EVX2: variants seen among roughly 807,000 people sequenced by gnomAD.
EVX2 encodes the protein homeobox even-skipped homolog protein 2.
EVX2 carries 10 observed loss-of-function variants against 19.2 expected under a neutral mutation model. The ratio of observed to expected loss-of-function variants is 0.52; its 90% CI spans 0.32 to 0.89. EVX2 has a LOEUF of 0.89. Ranked by LOEUF, EVX2 falls within the 40% of genes least tolerant of loss-of-function variation. The pLI, the probability that EVX2 is intolerant of heterozygous loss-of-function variation, is 0.03. For synonymous variants in EVX2, 354 were observed against 328.4 expected (o/e 1.08, Z -0.84); for missense variants, 710 against 694.9 (o/e 1.02, Z -0.24).
At position 176,082,401 on chromosome 2, in the gene EVX2, C is replaced by T. The variant is rs768217775; in HGVS notation, c.476G>A (p.Gly159Asp). The change falls in exon 2 of 3, where the codon GGC becomes GAC. Residue 159 changes from glycine (G) to aspartate (D), a missense_variant. Coordinates refer to ENST00000308618, the MANE Select transcript of EVX2 (RefSeq NM_001080458.2). The surrounding 1 kb of genome is among the most constrained non-coding windows in gnomAD (Gnocchi z 5.2). Reference protein sequence around the residue: ...SAAGTTTSASGSGLGSLHGGS... With the variant: ...SAAGTTTSASDSGLGSLHGGS... Reference sequence around the variant, plus strand: ...TCCATGCAGGCTTCCGAGGCCTGAGCCCGACGCCGACGTCGTGGTGCCGGC... The same window carrying T: ...TCCATGCAGGCTTCCGAGGCCTGAGTCCGACGCCGACGTCGTGGTGCCGGC... 1.3e-5 allele frequency: 21 copies of T among 1,587,074 alleles called. No homozygotes were observed. Among genetic ancestry groups the T allele is most frequent in the South Asian group, 1.1e-4 (10 of 88,256 alleles).
At position 176,080,082 on chromosome 2, in the gene EVX2, C is replaced by T. The variant is rs763176510; in HGVS notation, c.*25G>A. ...CCGGGCACACTCAGAGAGGCGGGCG[C>T]GGCCCCCTGGCGGTGGCGACGTAGT... On this transcript the variant is annotated 3_prime_UTR_variant, in exon 3 of 3. Coordinates refer to ENST00000308618, the MANE Select transcript of EVX2 (RefSeq NM_001080458.2). This position sits in a 1 kb window ranked among gnomAD's most constrained non-coding sequence, Gnocchi z 7.0. The T allele has an allele frequency of 9.4e-6, 14 of 1,484,866 alleles. 1 individual carries two copies. In the South Asian group the frequency reaches 1.8e-4, roughly 19 times the overall value. The allele number at this position is 1,484,866 out of a possible 1,614,324, so 92.0% of individuals were successfully genotyped here.
chr2:176,080,350 C>T lies in EVX2; in HGVS notation c.1188G>A (p.Gln396=). 1.4e-5 allele frequency: 18 copies of T among 1,257,154 alleles called. No individual in the cohort carries two copies. Among genetic ancestry groups the T allele is most frequent in the Non-Finnish European group, 1.8e-5 (18 of 986,736 alleles). The allele number at this position is 1,257,154 out of a possible 1,614,324, so 77.9% of individuals were successfully genotyped here. ...PCSCLSCHSS[Q]SAAAAAAAAA... ...CTGCTGCCGCGGCTGCCGCCGCCGA[C>T]TGACTGCTGTGGCAACTGAGGCACG... The change falls in exon 3 of 3, where the codon CAG becomes CAA. Residue 396 remains glutamine, a synonymous_variant. Coordinates refer to ENST00000308618, the MANE Select transcript of EVX2 (RefSeq NM_001080458.2). This position sits in a 1 kb window ranked among gnomAD's most constrained non-coding sequence, Gnocchi z 7.0.
rs1689169211 is a variant in EVX2, at chr2:176,082,946, T to A, written c.427+404A>T. ...AGACGCCGGCGAGGCTTCCTCCGAC[T>A]TACCCAGAAGAATGCCCCCTCCAGC... is the stretch of plus-strand genomic sequence containing the variant. On this transcript the variant is annotated intron_variant, in intron 1 of 2. Coordinates refer to ENST00000308618, the MANE Select transcript of EVX2 (RefSeq NM_001080458.2). The surrounding 1 kb of genome is among the most constrained non-coding windows in gnomAD (Gnocchi z 5.2). Among the ~76,000 whole-genome samples, 1 of 152,254 alleles carries A rather than the reference T, an allele frequency of 6.6e-6. No individual in the cohort carries two copies. Among genetic ancestry groups the A allele is most frequent in the African/African-American group, 2.4e-5 (1 of 41,476 alleles).
At position 176,079,978 on chromosome 2, in the gene EVX2, C is replaced by T; in HGVS notation, c.*129G>A. 9.2e-7 allele frequency: 1 copy of T among 1,087,800 alleles called. No individual in the cohort carries two copies. The highest frequency in any genetic ancestry group is 1.2e-6 in the Non-Finnish European group (1 of 840,332). The allele number at this position is 1,087,800 out of a possible 1,614,324, so 67.4% of individuals were successfully genotyped here. A position where few individuals can be genotyped will look rare whatever the true frequency, so the allele number is the denominator to read the frequency against. On this transcript the variant is annotated 3_prime_UTR_variant, in exon 3 of 3. Coordinates refer to ENST00000308618, the MANE Select transcript of EVX2 (RefSeq NM_001080458.2). The surrounding 1 kb of genome is among the most constrained non-coding windows in gnomAD (Gnocchi z 4.4). ...TTCGGAGCAGGTTCCCTTCGGCCTC[C>T]CGCGCCCCGGGGCGCCCCCTGGCGG...
In EVX2 at chr2:176,083,706, C is replaced by T; in HGVS notation, c.71G>A (p.Arg24Lys). Residue 24 changes from arginine (R) to lysine (K), a missense_variant, in exon 1 of 3, where the codon AGA (arginine) becomes AAA (lysine). Coordinates refer to ENST00000308618, the MANE Select transcript of EVX2 (RefSeq NM_001080458.2). The surrounding 1 kb of genome is among the most constrained non-coding windows in gnomAD (Gnocchi z 4.4). ...RGLHSPTAGK[R>K]FSNLSNSAGN... ...AGCCGAGTTGGACAAATTGGAGAAT[C>T]TCTTGCCCGCCGTAGGGCTGTGCAG... 1.2e-6 allele frequency: 2 copies of T among 1,614,058 alleles called. No individual in the cohort carries two copies. The highest frequency in any genetic ancestry group is 1.7e-6 in the Non-Finnish European group (2 of 1,180,038).
rs1279704961 is a variant in EVX2, at chr2:176,082,419, G to A, written c.458C>T (p.Thr153Ile). ...GYAESGSAAGTTTSASGSGLG... is the reference protein window; with the variant it reads ...GYAESGSAAGITTSASGSGLG... ...GCCTGAGCCCGACGCCGACGTCGTG[G>A]TGCCGGCAGCCGAGCCGCTCTCTGC... Residue 153 changes from threonine to isoleucine, a missense_variant, in exon 2 of 3, where the codon ACC becomes ATC. By Grantham distance (89) the Thr-to-Ile change is moderately conservative (BLOSUM62 -1). Coordinates refer to ENST00000308618, the MANE Select transcript of EVX2 (RefSeq NM_001080458.2). This position sits in a 1 kb window ranked among gnomAD's most constrained non-coding sequence, Gnocchi z 5.2. 6.4e-7 allele frequency: 1 copy of A among 1,570,516 alleles called. No individual in the cohort carries two copies. Among genetic ancestry groups the A allele is most frequent in the Non-Finnish European group, 8.6e-7 (1 of 1,162,290 alleles).
At position 176,080,487 on chromosome 2, in the gene EVX2, C is replaced by G; in HGVS notation, c.1051G>C (p.Ala351Pro). 7.5e-7 allele frequency: 1 copy of G among 1,337,834 alleles called. No homozygotes were observed. The highest frequency in any genetic ancestry group is 9.5e-7 in the Non-Finnish European group (1 of 1,049,686). 82.9% of individuals were successfully genotyped at this position (1,337,834 alleles called of 1,614,324 possible). Residue 351 changes from alanine to proline, a missense_variant, in exon 3 of 3, where the codon GCG (alanine) becomes CCG (proline). Ala to Pro is a conservative substitution (Grantham distance 27). Transcript: ENST00000308618. The surrounding 1 kb of genome is among the most constrained non-coding windows in gnomAD (Gnocchi z 7.0). ...PGLYQAPAAA[A>P]GLNSAASAAA... is the part of the protein sequence containing the mutation. ...GCAGAGGCCGCGCTGTTGAGCCCCG[C>G]GGCGGCCGCGGGAGCCTGGTAGAGA...
chr2:176,082,577 T>C lies in EVX2; in HGVS notation c.428-128A>G. ...CTGCCGGAATTGATGGGGTCTGTCA[T>C]GCTTACAAATTGCTGCCGTTAATGG... On this transcript the variant is annotated intron_variant, in intron 1 of 2. Coordinates refer to ENST00000308618, the MANE Select transcript of EVX2 (RefSeq NM_001080458.2). The surrounding 1 kb of genome is among the most constrained non-coding windows in gnomAD (Gnocchi z 5.2). The C allele has an allele frequency of 9.5e-7, 1 of 1,052,118 alleles. No homozygotes were observed. Among genetic ancestry groups the C allele is most frequent in the East Asian group, 3.0e-5 (1 of 33,630 alleles). The allele number at this position is 1,052,118 out of a possible 1,614,324, so 65.2% of individuals were successfully genotyped here.
chr2:176,083,209 T>A lies in EVX2; in HGVS notation c.427+141A>T. The A allele has an allele frequency of 3.4e-6, 3 of 894,824 alleles. No homozygotes were observed. The South Asian group carries it at 5.3e-5, about 16-fold the overall frequency. The allele number at this position is 894,824 out of a possible 1,614,324, so 55.4% of individuals were successfully genotyped here. On this transcript the variant is annotated intron_variant, in intron 1 of 2. Transcript: ENST00000308618. This position sits in a 1 kb window ranked among gnomAD's most constrained non-coding sequence, Gnocchi z 4.4. ...TGGAAGGCACGGTCCCAGACATGCG[T>A]CCCGCCCCCGCCCGTGCTAGCTCGG... is the stretch of plus-strand genomic sequence containing the variant.
chr2:176,083,419 C>T lies in EVX2; in HGVS notation c.358G>A (p.Val120Met), dbSNP rs763087967. ...GGGGAGCGAAGCGCGGAGCAGCCCA[C>T]CTCCACGTCGCTGCTCATGTCGGCC... is the stretch of plus-strand genomic sequence containing the variant. ...AEADMSSDVE[V>M]GCSALRSPGG... is the part of the protein sequence containing the mutation. Residue 120 changes from valine (V) to methionine (M), a missense_variant, in exon 1 of 3, where the codon GTG becomes ATG. By Grantham distance (21) the Val-to-Met change is conservative (BLOSUM62 1). Coordinates refer to ENST00000308618, the MANE Select transcript of EVX2 (RefSeq NM_001080458.2). The surrounding 1 kb of genome is among the most constrained non-coding windows in gnomAD (Gnocchi z 4.4). The T allele has an allele frequency of 1.9e-6, 3 of 1,613,780 alleles. No individual in the cohort carries two copies. In the Admixed American group the frequency reaches 5.0e-5, roughly 27 times the overall value.
chr2:176,082,036 C>T lies in EVX2; in HGVS notation c.699+142G>A. The T allele has an allele frequency of 1.1e-6, 1 of 936,262 alleles. No homozygotes were observed. The highest frequency in any genetic ancestry group is 1.5e-6 in the Non-Finnish European group (1 of 658,376). 58.0% of individuals were successfully genotyped at this position (936,262 alleles called of 1,614,324 possible). ...ATTCGGTGGCCGGGAAATAAATAAG[C>T]CAATTCCTTTGGTGACTACCCCCCG... On this transcript the variant is annotated intron_variant, in intron 2 of 2. Coordinates refer to ENST00000308618, the MANE Select transcript of EVX2 (RefSeq NM_001080458.2). This position sits in a 1 kb window ranked among gnomAD's most constrained non-coding sequence, Gnocchi z 5.2.
rs565703140 is a variant in EVX2, at chr2:176,083,311, G to T, written c.427+39C>A. Reference sequence around the variant, plus strand: ...GGCGGGGGCCGCGGAGGAGCAAAGAGGATGGGACTGGAGAGCGCGGTGCGG... The same window carrying T: ...GGCGGGGGCCGCGGAGGAGCAAAGATGATGGGACTGGAGAGCGCGGTGCGG... On this transcript the variant is annotated intron_variant, in intron 1 of 2. Transcript: ENST00000308618. This position sits in a 1 kb window ranked among gnomAD's most constrained non-coding sequence, Gnocchi z 4.4. 6.5e-7 allele frequency: 1 copy of T among 1,538,226 alleles called. No individual in the cohort carries two copies. The highest frequency in any genetic ancestry group is 1.2e-5 in the South Asian group (1 of 83,164).
Position 176,080,185 on chromosome 2 carries a change from C to A in EVX2, c.1353G>T (p.Leu451=). 2 of 1,497,030 alleles carry A rather than the reference C, an allele frequency of 1.3e-6. No individual in the cohort carries two copies. Among genetic ancestry groups the A allele is most frequent in the Middle Eastern group, 4.6e-4 (2 of 4,314 alleles). 92.7% of individuals were successfully genotyped at this position (1,497,030 alleles called of 1,614,324 possible). A position where few individuals can be genotyped will look rare whatever the true frequency, so the allele number is the denominator to read the frequency against. Reference sequence around the variant, plus strand: ...TACTAAGCACCGCGGCCGAGTAGGGCAGGAAGCCGCTCTCGGAACGCGGCG... The same window carrying A: ...TACTAAGCACCGCGGCCGAGTAGGGAAGGAAGCCGCTCTCGGAACGCGGCG... ...AAAPRSESGF[L]PYSAAVLSKT... is the part of the protein sequence containing the mutation. The change falls in exon 3 of 3, where the codon CTG becomes CTT. Residue 451 remains leucine, a synonymous_variant. Transcript: ENST00000308618. The surrounding 1 kb of genome is among the most constrained non-coding windows in gnomAD (Gnocchi z 7.0).
In EVX2 at chr2:176,080,022, A is replaced by G; in HGVS notation, c.*85T>C. 1.6e-6 allele frequency: 2 copies of G among 1,288,126 alleles called. No homozygotes were observed. Among genetic ancestry groups the G allele is most frequent in the Admixed American group, 3.7e-5 (1 of 26,694 alleles). The allele number at this position is 1,288,126 out of a possible 1,614,324, so 79.8% of individuals were successfully genotyped here. On this transcript the variant is annotated 3_prime_UTR_variant, in exon 3 of 3. Transcript: ENST00000308618. This position sits in a 1 kb window ranked among gnomAD's most constrained non-coding sequence, Gnocchi z 7.0. ...CTGGCGGCAGCGGCAGCAGCGGGCA[A>G]CGCGCGGAGGGCTCAGGGGGCGCAC...
rs1218707973 is a variant in EVX2, at chr2:176,079,846, G to A, written c.*261C>T. ...GACAGAGGTGGAAAGTGGGTCCCGG[G>A]AGCCAGAAAAGAGAGAGAAGGGCAG... On this transcript the variant is annotated 3_prime_UTR_variant, in exon 3 of 3. Coordinates refer to ENST00000308618, the MANE Select transcript of EVX2 (RefSeq NM_001080458.2). This position sits in a 1 kb window ranked among gnomAD's most constrained non-coding sequence, Gnocchi z 4.4. The A allele has an allele frequency of 5.9e-6, 2 of 339,790 alleles. No homozygotes were observed. The highest frequency in any genetic ancestry group is 5.3e-6 in the Non-Finnish European group (1 of 188,480). 21.0% of individuals were successfully genotyped at this position (339,790 alleles called of 1,614,324 possible). A position where few individuals can be genotyped will look rare whatever the true frequency, so the allele number is the denominator to read the frequency against.
In EVX2 at chr2:176,080,567, G is replaced by C; in HGVS notation, c.971C>G (p.Ala324Gly). Residue 324 changes from alanine (A) to glycine (G), a missense_variant, in exon 3 of 3, where the codon GCC becomes GGC. Ala to Gly is a moderately conservative substitution (Grantham distance 60). Coordinates refer to ENST00000308618, the MANE Select transcript of EVX2 (RefSeq NM_001080458.2). The surrounding 1 kb of genome is among the most constrained non-coding windows in gnomAD (Gnocchi z 7.0). ...CGGCCGAGAGTAGGGGTGCGAGAGG[G>C]CGCGGAAGGTGTCCAGTGGCCGGAT... The part of the protein sequence containing the change: ...TSIRPLDTFR[A>G]LSHPYSRPEL... 6.5e-7 allele frequency: 1 copy of C among 1,530,538 alleles called. No individual in the cohort carries two copies. Among genetic ancestry groups the C allele is most frequent in the Non-Finnish European group, 8.7e-7 (1 of 1,153,826 alleles). 94.8% of individuals were successfully genotyped at this position (1,530,538 alleles called of 1,614,324 possible).
rs1313259193 is a variant in EVX2 at position 176,080,317 on chromosome 2, T to TGCGGCAGCTGCTGCC, written c.1206_1220dup (p.Ala404_Ala408dup). ...CACCGCCACCCCGGGAACCCAGGGCTGCGGCAGCTGCTGCCGCGGCTGCCG... is the reference window on the plus strand; with the variant it reads ...CACCGCCACCCCGGGAACCCAGGGCTGCGGCAGCTGCTGCCGCGGCAGCTGCTGCCGCGGCTGCCG... On this transcript the variant is annotated inframe_insertion, in exon 3 of 3. Transcript: ENST00000308618. This position sits in a 1 kb window ranked among gnomAD's most constrained non-coding sequence, Gnocchi z 7.0. 5 of 1,304,496 alleles carry TGCGGCAGCTGCTGCC rather than the reference T, an allele frequency of 3.8e-6. No individual in the cohort carries two copies. Among genetic ancestry groups the TGCGGCAGCTGCTGCC allele is most frequent in the African/African-American group, 1.6e-5 (1 of 63,830 alleles). The allele number at this position is 1,304,496 out of a possible 1,614,324, so 80.8% of individuals were successfully genotyped here.
At position 176,082,385 on chromosome 2, in the gene EVX2, G is replaced by T; in HGVS notation, c.492C>A (p.Ser164Arg). 6.2e-7 allele frequency: 1 copy of T among 1,602,224 alleles called. No individual in the cohort carries two copies. The highest frequency in any genetic ancestry group is 8.5e-7 in the Non-Finnish European group (1 of 1,177,322). The change falls in exon 2 of 3, where the codon AGC becomes AGA. Residue 164 changes from serine to arginine, a missense_variant. Coordinates refer to ENST00000308618, the MANE Select transcript of EVX2 (RefSeq NM_001080458.2). The surrounding 1 kb of genome is among the most constrained non-coding windows in gnomAD (Gnocchi z 5.2). ...TTSASGSGLGSLHGGSGGSGG... is the reference protein window; with the variant it reads ...TTSASGSGLGRLHGGSGGSGG... Reference sequence around the variant, plus strand: ...CGCTGCCTCCGCTGCCTCCATGCAGGCTTCCGAGGCCTGAGCCCGACGCCG... The same window carrying T: ...CGCTGCCTCCGCTGCCTCCATGCAGTCTTCCGAGGCCTGAGCCCGACGCCG...
At position 176,083,490 on chromosome 2, in the gene EVX2, G is replaced by A; in HGVS notation, c.287C>T (p.Ala96Val). The A allele has an allele frequency of 6.2e-7, 1 of 1,614,210 alleles. No homozygotes were observed. Among genetic ancestry groups the A allele is most frequent in the Non-Finnish European group, 8.5e-7 (1 of 1,180,046 alleles). The stretch of plus-strand genomic sequence containing the variant: ...ATGGCCCGGCTTCTTGCGGCTCTCG[G>A]CGGCGGAGGAGATTTCGGAGGAGAC... ...STVSSEISSA[A>V]ESRKKPGHYS... The change falls in exon 1 of 3, where the codon GCC (alanine) becomes GTC (valine). Residue 96 changes from alanine (A) to valine (V), a missense_variant. Transcript: ENST00000308618. This position sits in a 1 kb window ranked among gnomAD's most constrained non-coding sequence, Gnocchi z 4.4.
Sources: allele counts gnomAD v4.1 joint callset (sites outside exome capture counted in the v4.1 genomes callset), GRCh38; gene constraint gnomAD v4.1.1; non-coding constraint Gnocchi (gnomAD v3.1); transcripts MANE v1.5; gene names NCBI Gene and HGNC (gene_info 2026-07-23, HGNC 2026-07-21).